PALM2AKAP2: variants seen among roughly 807,000 people sequenced by gnomAD.
PALM2AKAP2 encodes the protein PALM2-AKAP2 fusion protein.
In PALM2AKAP2, 37 loss-of-function variants were observed where a neutral mutation model predicts 71.5. That is an observed-to-expected ratio of 0.52 (90% CI 0.40 to 0.68). The LOEUF (loss-of-function observed/expected upper bound fraction) is 0.68, where lower values mean the gene tolerates loss of function less well. PALM2AKAP2 is among the 30% of genes least tolerant of loss of function. The pLI, the probability that PALM2AKAP2 is intolerant of heterozygous loss-of-function variation, is 0.00. For missense variants in PALM2AKAP2, 1,224 were observed against 1,191.8 expected (o/e 1.03, Z -0.40); for synonymous variants, 468 against 478.8 (o/e 0.98, Z 0.29).
Position 109,988,071 on chromosome 9 carries a change from C to T in PALM2AKAP2, c.497-27883C>T, listed in dbSNP as rs1280007200. Reference sequence around the variant, plus strand: ...GTAAGGGTGCTTTCTGCTACATGTCCTTTGACATGTGGCCTAGGTTATTAT... The same window carrying T: ...GTAAGGGTGCTTTCTGCTACATGTCTTTTGACATGTGGCCTAGGTTATTAT... On this transcript the variant is annotated intron_variant, in intron 6 of 9. Coordinates refer to the PALM2AKAP2 transcript ENST00000302798. Among the ~76,000 whole-genome samples, 3 of 152,176 alleles carry T rather than the reference C, an allele frequency of 2.0e-5. No homozygotes were observed. In the East Asian group the frequency reaches 5.8e-4, roughly 29 times the overall value.
chr9:109,722,795 C>G (rs1201127322), intron 1 of PALM2AKAP2, among the ~76,000 whole-genome samples: 2 of 152,074 alleles, frequency 1.3e-5, no homozygotes, highest in Admixed American at 1.3e-4. Context: ...CAAACAAAAA[C>G]ACTTTAAATT....
chr9:109,979,078 C>T (rs942478315), intron 6 of PALM2AKAP2, among the ~76,000 whole-genome samples: 3 of 151,930 alleles, frequency 2.0e-5, no homozygotes, highest in African/African-American at 4.8e-5. Flanking sequence ...CAACCTCCTC[C>T]GCCTCCCTGT....
At chr9:110,066,991 T>A (rs117946597) in intron 1 of PALM2AKAP2, among the ~76,000 whole-genome samples, 112 of 152,270 alleles carry the variant, frequency 7.4e-4, no homozygotes, top group Non-Finnish European at 1.3e-3. Context: ...AAGAGAGAGC[T>A]CTTCATTTGG....
chr9:110,069,624 C>T (rs1029199685), intron 1 of PALM2AKAP2, among the ~76,000 whole-genome samples: 10 of 152,132 alleles, frequency 6.6e-5, no homozygotes, highest in Non-Finnish European at 1.3e-4. Context: ...GATTAAATGA[C>T]GTGTGCATTT....
At chr9:109,696,869 T>C (rs1827977940) in intron 1 of PALM2AKAP2, among the ~76,000 whole-genome samples, 1 of 152,186 alleles carries the variant, frequency 6.6e-6, no homozygotes, top group Admixed American at 6.5e-5. Flanking sequence ...ATTGGCAATA[T>C]ACAAAGCCAA....
At chr9:110,092,699 G>C (rs988657686) in intron 1 of PALM2AKAP2, among the ~76,000 whole-genome samples, 3 of 152,146 alleles carry the variant, frequency 2.0e-5, no homozygotes, top group Non-Finnish European at 4.4e-5. Context: ...GGATAGACTT[G>C]AGGCATTGTG....
chr9:110,044,583 C>T (rs1833564923), upstream of PALM2AKAP2, among the ~76,000 whole-genome samples: 1 of 151,512 alleles, frequency 6.6e-6, no homozygotes. Flanking sequence ...AACTACTGAC[C>T]TCAGGTGATC....
At chr9:109,890,082 T>C (rs1830052079) in intron 3 of PALM2AKAP2, among the ~76,000 whole-genome samples, 2 of 152,212 alleles carry the variant, frequency 1.3e-5, no homozygotes, top group Admixed American at 1.3e-4. Flanking sequence ...TTCCAACCGT[T>C]CTACATTCTT....
chr9:109,717,349 A>G (rs571628124), intron 1 of PALM2AKAP2, among the ~76,000 whole-genome samples: 46 of 152,276 alleles, frequency 3.0e-4, no homozygotes, highest in African/African-American at 1.1e-3. Context: ...CTCAGAGTTT[A>G]GGAGGTGGGA....
intron 2 of PALM2AKAP2, among the ~76,000 whole-genome samples, chr9:109,878,346 G>C (rs925471496): frequency 1.3e-5 from 2 of 152,168 alleles, no homozygotes; most frequent in Non-Finnish European, 1.5e-5. Flanking sequence ...ATTGAGGTGT[G>C]GGGGTGGATC....
chr9:109,701,542 T>A (rs913754905), intron 1 of PALM2AKAP2, among the ~76,000 whole-genome samples: 1 of 152,212 alleles, frequency 6.6e-6, no homozygotes, highest in Admixed American at 6.5e-5. Flanking sequence ...GCTAGCCATA[T>A]GTAGAAAGCT....
chr9:109,747,094 G>C (rs1042576274), intron 1 of PALM2AKAP2, among the ~76,000 whole-genome samples: 4 of 152,158 alleles, frequency 2.6e-5, no homozygotes, highest in African/African-American at 9.7e-5. Flanking sequence ...TGAATATACT[G>C]TAATAAATAT....
chr9:110,058,770 G>A (rs1241674425), intron 1 of PALM2AKAP2, among the ~76,000 whole-genome samples: 1 of 151,702 alleles, frequency 6.6e-6, no homozygotes, highest in Non-Finnish European at 1.5e-5. Flanking sequence ...GAAAAGATCT[G>A]TCCTCCCTCC....
intron 1 of PALM2AKAP2, among the ~76,000 whole-genome samples, chr9:109,841,259 C>T (rs902659672): frequency 7.3e-5 from 11 of 150,630 alleles, no homozygotes; most frequent in African/African-American, 2.2e-4. Flanking sequence ...AGCAAACTAT[C>T]GCAGGGACAA....
At chr9:110,100,448 T>C (rs1834969326) in intron 1 of PALM2AKAP2, among the ~76,000 whole-genome samples, 1 of 152,094 alleles carries the variant, frequency 6.6e-6, no homozygotes, top group Non-Finnish European at 1.5e-5. Context: ...AAAAATGGGC[T>C]CAGGTTTTGG....
intron 3 of PALM2AKAP2, among the ~76,000 whole-genome samples, chr9:109,904,315 C>T (rs1014907948): frequency 6.6e-6 from 1 of 152,192 alleles, no homozygotes; most frequent in Non-Finnish European, 1.5e-5. Context: ...TTACCTATAA[C>T]ATGGGAATAA....
chr9:109,723,797 G>A (rs1255960545), intron 1 of PALM2AKAP2, among the ~76,000 whole-genome samples: 2 of 152,160 alleles, frequency 1.3e-5, no homozygotes, highest in Non-Finnish European at 2.9e-5. Context: ...CTGTGTGTAG[G>A]CTCCTTAGCA....
At chr9:110,005,785 A>G (rs1385964422) in intron 6 of PALM2AKAP2, among the ~76,000 whole-genome samples, 3 of 152,214 alleles carry the variant, frequency 2.0e-5, no homozygotes, top group African/African-American at 7.2e-5. Flanking sequence ...CTGCTGTGCT[A>G]GCAATGAGCG....
intron 1 of PALM2AKAP2, among the ~76,000 whole-genome samples, chr9:110,056,545 T>TCTAA (rs1298316352): frequency 1.3e-5 from 2 of 152,236 alleles, no homozygotes; most frequent in Non-Finnish European, 2.9e-5. Flanking sequence ...GCTGTGTGAT[T>TCTAA]CTAAAGCCAT....
Sources: allele counts gnomAD v4.1 joint callset (sites outside exome capture counted in the v4.1 genomes callset), GRCh38; gene constraint gnomAD v4.1.1; transcripts MANE v1.5; gene names NCBI Gene and HGNC (gene_info 2026-07-23, HGNC 2026-07-21).